GLG1: variants seen among roughly 807,000 people sequenced by gnomAD.
The protein encoded by GLG1 is golgi glycoprotein 1, also known as Golgi apparatus protein 1.
A neutral mutation model predicts 160.5 loss-of-function variants in GLG1; 38 were observed. The observed-to-expected ratio is 0.24, with a 90% confidence interval of 0.18 to 0.31. The LOEUF (loss-of-function observed/expected upper bound fraction) is 0.31, where lower values mean the gene tolerates loss of function less well. GLG1 is among the 10% of genes least tolerant of loss of function. The pLI, the probability that GLG1 is intolerant of heterozygous loss-of-function variation, is 1.00. For synonymous variants in GLG1, 644 were observed against 543.4 expected (o/e 1.19, Z -2.57); for missense variants, 1,373 against 1,505.2 (o/e 0.91, Z 1.45).
chr16:74,592,779 CTCT>C (rs1355582571), intron 1 of GLG1, among the ~76,000 whole-genome samples: 3 of 152,196 alleles, frequency 2.0e-5, no homozygotes, highest in Non-Finnish European at 4.4e-5. Flanking sequence ...AGGACCTTCT[CTCT>C]TCTTATTTTA....
At chr16:74,506,262 T>C (rs1188419340) in intron 3 of GLG1, among the ~76,000 whole-genome samples, 1 of 151,504 alleles carries the variant, frequency 6.6e-6, no homozygotes, top group African/African-American at 2.4e-5. Flanking sequence ...CAGGCCCTAA[T>C]ATTGAGCAAC....
intron 3 of GLG1, among the ~76,000 whole-genome samples, chr16:74,507,661 A>G (rs2161734): frequency 0.99 from 150,307 of 152,130 alleles, 74,268 homozygotes; most frequent in East Asian, 1. Flanking sequence ...GCTTGAACCC[A>G]GGAGGCAGAG....
At chr16:74,528,223 A>G (rs1472478873) in intron 2 of GLG1, among the ~76,000 whole-genome samples, 2 of 151,066 alleles carry the variant, frequency 1.3e-5, no homozygotes, top group African/African-American at 4.9e-5. Flanking sequence ...CTGGTCTTCA[A>G]CTCCTAGCCT....
chr16:74,550,071 T>C (rs1293868854), intron 1 of GLG1, among the ~76,000 whole-genome samples: 13 of 152,216 alleles, frequency 8.5e-5, no homozygotes, highest in Admixed American at 8.5e-4. Context: ...TGAGCCATGA[T>C]CACACCATTG....
intron 1 of GLG1, among the ~76,000 whole-genome samples, chr16:74,585,071 T>G (rs541677205): frequency 6.6e-6 from 1 of 151,966 alleles, no homozygotes; most frequent in South Asian, 2.1e-4. Flanking sequence ...ATAAAAAAAA[T>G]TTTTAAAACC....
At chr16:74,472,325 C>G (rs777749897) in intron 14 of GLG1, 24 bp downstream of exon 14, 1 of 1,568,170 alleles carries the variant, frequency 6.4e-7, no homozygotes, top group East Asian at 2.2e-5. Flanking sequence ...GTTTTTAACC[C>G]TTGCTCCTCC....
At chr16:74,598,773 A>G (rs1205657429) in intron 1 of GLG1, among the ~76,000 whole-genome samples, 1 of 151,302 alleles carries the variant, frequency 6.6e-6, no homozygotes, top group East Asian at 1.9e-4. Context: ...AATCCCAGCT[A>G]CTCGGGAGGC....
At position 74,457,762 on chromosome 16, in the gene GLG1, G is replaced by A. The variant is rs150022637; in HGVS notation, c.3265+112C>T. 3.6e-5 allele frequency: 33 copies of A among 925,206 alleles called. No homozygotes were observed. The East Asian group carries it at 6.9e-4, about 19-fold the overall frequency. 57.3% of individuals were successfully genotyped at this position (925,206 alleles called of 1,614,324 possible). The stretch of plus-strand genomic sequence containing the variant: ...CCCAGGGAATGTTGTCTATGACTGG[G>A]CTACAACTACAGACCATACAGACCA... On this transcript the variant is annotated intron_variant, in intron 24 of 25. Coordinates refer to ENST00000422840, the MANE Select transcript of GLG1 (RefSeq NM_001145667.2).
At chr16:74,535,888 T>A (rs1567509417) in intron 1 of GLG1, among the ~76,000 whole-genome samples, 2 of 152,066 alleles carry the variant, frequency 1.3e-5, no homozygotes, top group Non-Finnish European at 2.9e-5. Context: ...TTTCAGAAAT[T>A]TAGAGGGGTT....
chr16:74,601,597 C>CA (rs754330982), intron 1 of GLG1, among the ~76,000 whole-genome samples: 1 of 152,048 alleles, frequency 6.6e-6, no homozygotes, highest in Non-Finnish European at 1.5e-5. Flanking sequence ...TAAATGCTTC[C>CA]AGTGTTCTAG....
At chr16:74,494,612 G>A (rs2016120434) in intron 6 of GLG1, 148 bp downstream of exon 6, 1 of 420,214 alleles carries the variant, frequency 2.4e-6, no homozygotes, top group Non-Finnish European at 4.5e-6. Context: ...TCACCATCTT[G>A]GCCAGGCTGG....
At chr16:74,472,520 A>G in intron 13 of GLG1, 109 bp from the exon 14 acceptor site, 1 of 1,372,658 alleles carries the variant, frequency 7.3e-7, no homozygotes, top group Non-Finnish European at 1.0e-6. Context: ...ATAATCTAAT[A>G]CATACTTTTG....
intron 17 of GLG1, chr16:74,468,203 C>T (rs1283299905): frequency 6.2e-6 from 1 of 160,246 alleles, no homozygotes; most frequent in Non-Finnish European, 1.3e-5. Context: ...AGTTAGGGAA[C>T]CAAATCTTCC....
At chr16:74,569,669 C>G (rs1344371536) in intron 1 of GLG1, among the ~76,000 whole-genome samples, 1 of 151,952 alleles carries the variant, frequency 6.6e-6, no homozygotes, top group Non-Finnish European at 1.5e-5. Flanking sequence ...CAAGACCAGC[C>G]TGGCCAACAT....
chr16:74,589,087 C>A (rs1164214098), intron 1 of GLG1, among the ~76,000 whole-genome samples: 1 of 151,574 alleles, frequency 6.6e-6, no homozygotes, highest in Non-Finnish European at 1.5e-5. Context: ...ACAAAAAGAA[C>A]AACAACAACA....
chr16:74,528,879 G>A (rs1224602222), intron 2 of GLG1, among the ~76,000 whole-genome samples: 2 of 146,318 alleles, frequency 1.4e-5, no homozygotes, highest in African/African-American at 2.5e-5. Flanking sequence ...CACTAAGTTC[G>A]TTGAATTTAT....
intron 11 of GLG1, among the ~76,000 whole-genome samples, chr16:74,479,705 T>G (rs1376552139): frequency 6.6e-6 from 1 of 152,090 alleles, no homozygotes; most frequent in Admixed American, 6.6e-5. Context: ...GGAGAACAAG[T>G]GCATGTCAGT....
At chr16:74,553,219 CA>C (rs557115728) in intron 1 of GLG1, among the ~76,000 whole-genome samples, 23,784 of 124,034 alleles carry the variant, frequency 0.19, 2,009 homozygotes, top group Middle Eastern at 0.24. Flanking sequence ...AACTCTGTCT[CA>C]AAAAAAAAAA....
intron 8 of GLG1, among the ~76,000 whole-genome samples, chr16:74,489,242 G>A (rs575254824): frequency 8.0e-4 from 121 of 152,090 alleles, no homozygotes; most frequent in African/African-American, 2.8e-3. Context: ...AGGCTGAGGC[G>A]GGAAGATCAC....
Sources: allele counts gnomAD v4.1 joint callset (sites outside exome capture counted in the v4.1 genomes callset), GRCh38; gene constraint gnomAD v4.1.1; transcripts MANE v1.5; gene names NCBI Gene and HGNC (gene_info 2026-07-23, HGNC 2026-07-21).